The following MPRIP variants were observed in gnomAD, a reference collection of about 807,000 sequenced individuals.
MPRIP encodes myosin phosphatase Rho interacting protein, also known as myosin phosphatase Rho-interacting protein.
Under a neutral mutation model 234.9 loss-of-function variants are expected in MPRIP, and 59 were observed. The observed-to-expected ratio is 0.25, with a 90% CI of 0.20 to 0.31. MPRIP has a LOEUF of 0.31. Among genes scored for constraint, MPRIP ranks in the 10% least tolerant of loss-of-function variants. The probability of loss-of-function intolerance (pLI) is 1.00; values close to 1 mark genes in which losing one functional copy is unlikely to be tolerated. For synonymous variants in MPRIP, 1,144 were observed against 1,263.9 expected, an observed-to-expected ratio of 0.91 and a Z score of 2.01; for missense variants, 2,436 against 3,071.0, an observed-to-expected ratio of 0.79 and a Z score of 4.89.
chr17:17,156,903 C>T (rs2045742833), intron 13 of MPRIP, among the ~76,000 whole-genome samples: 1 of 152,232 alleles, frequency 6.6e-6, no homozygotes, highest in Non-Finnish European at 1.5e-5. Context: ...GTGACCCTTG[C>T]TCCAGGTGGT....
chr17:17,054,412 C>T (rs181561010), intron 1 of MPRIP, among the ~76,000 whole-genome samples: 12 of 152,292 alleles, frequency 7.9e-5, no homozygotes, highest in African/African-American at 1.2e-4. Context: ...TTCATTCATG[C>T]GTTTTCCAGC....
chr17:17,111,476 A>G (rs1243863433), intron 3 of MPRIP, among the ~76,000 whole-genome samples: 3 of 152,148 alleles, frequency 2.0e-5, no homozygotes, highest in South Asian at 2.1e-4. Flanking sequence ...GCTTTTTCCC[A>G]TCTCCCCTGC....
chr17:17,097,734 G>C (rs998804949), intron 3 of MPRIP, among the ~76,000 whole-genome samples: 10 of 152,172 alleles, frequency 6.6e-5, no homozygotes, highest in African/African-American at 2.4e-4. Context: ...AGTTACCTCT[G>C]TCCAGAACTG....
chr17:17,074,523 A>G (rs2089280014), intron 1 of MPRIP, among the ~76,000 whole-genome samples: 1 of 152,240 alleles, frequency 6.6e-6, no homozygotes, highest in African/African-American at 2.4e-5. Flanking sequence ...CTCTTAAAGT[A>G]TACAGTTTGG....
intron 1 of MPRIP, among the ~76,000 whole-genome samples, chr17:17,044,787 A>C (rs1343109146): frequency 6.6e-6 from 1 of 152,182 alleles, no homozygotes; most frequent in Non-Finnish European, 1.5e-5. Context: ...GGGGAGAGGC[A>C]AACTTAAAAT....
chr17:17,066,721 A>ATTTTTTTTTTTTTT (rs1567692140), intron 1 of MPRIP, among the ~76,000 whole-genome samples: 1 of 39,440 alleles, frequency 2.5e-5, no homozygotes, highest in Admixed American at 3.5e-4. Flanking sequence ...TACTTTTTTC[A>ATTTTTTTTTTTTTT]TCTTTTTTTT....
At chr17:17,085,514 C>CT (rs2089568795) in intron 3 of MPRIP, among the ~76,000 whole-genome samples, 4 of 152,200 alleles carry the variant, frequency 2.6e-5, no homozygotes, top group Admixed American at 1.3e-4. Context: ...AGTCTTAATA[C>CT]AAGTTTTAAA....
intron 3 of MPRIP, among the ~76,000 whole-genome samples, chr17:17,097,843 A>G (rs1003490366): frequency 3.3e-5 from 5 of 152,150 alleles, no homozygotes; most frequent in African/African-American, 1.2e-4. Context: ...TGACTTTTCC[A>G]GAGGCTATTG....
At chr17:17,050,004 C>T (rs2088482976) in intron 1 of MPRIP, among the ~76,000 whole-genome samples, 1 of 151,116 alleles carries the variant, frequency 6.6e-6, no homozygotes, top group Non-Finnish European at 1.5e-5. Context: ...CTGGCTAACA[C>T]AGTGAAACCC....
At chr17:17,056,482 CTG>C (rs1682917735) in intron 1 of MPRIP, among the ~76,000 whole-genome samples, 1 of 152,084 alleles carries the variant, frequency 6.6e-6, no homozygotes, top group Non-Finnish European at 1.5e-5. Context: ...CTTGCAGGAC[CTG>C]TGTGTGGGCA....
In MPRIP at chr17:17,164,460, C is replaced by CAGA; in HGVS notation, c.2872_2874dup (p.Lys958dup). The CAGA allele has an allele frequency of 8.1e-7, 1 of 1,239,360 alleles. No homozygotes were observed. The highest frequency in any genetic ancestry group is 2.7e-5 in the Admixed American group (1 of 37,464). 76.8% of individuals were successfully genotyped at this position (1,239,360 alleles called of 1,614,324 possible). On this transcript the variant is annotated inframe_insertion, in exon 16 of 24. Transcript: ENST00000651222. ...GAGCAGCCAGCTGAGGGCTAGCGAG[C>CAGA]AGAAGCTCAAGAGTGCTGAGGCCCT...
intron 17 of MPRIP, 148 bp from the exon 18 acceptor site, chr17:17,172,550 A>G (rs1352087078): frequency 3.3e-6 from 2 of 614,476 alleles, no homozygotes; most frequent in East Asian, 5.7e-5. Flanking sequence ...ATGAGGGGCC[A>G]GCCTGTCATG....
chr17:17,080,952 TTG>T (rs34111584), intron 3 of MPRIP, among the ~76,000 whole-genome samples: 1 of 151,660 alleles, frequency 6.6e-6, no homozygotes, highest in East Asian at 1.9e-4. Context: ...GCAGAACTGC[TTG>T]TGTGTGTGTG....
At chr17:17,149,650 T>A (rs2045553809) in intron 11 of MPRIP, 1 of 150,214 alleles carries the variant, frequency 6.7e-6, no homozygotes, top group African/African-American at 2.4e-5. Context: ...AAAATGAATT[T>A]ATTTTATTCT....
In MPRIP at chr17:17,167,331, G is replaced by T; in HGVS notation, c.5740G>T (p.Ala1914Ser). Residue 1914 changes from alanine to serine, a missense_variant, in exon 16 of 24, where the codon GCA becomes TCA. Ala to Ser is a moderately conservative substitution (Grantham distance 99). This residue lies in a region of MPRIP where 1,998 missense variants were observed against 2,520.3 expected (regional missense o/e 0.79). Coordinates refer to ENST00000651222, the MANE Select transcript of MPRIP (RefSeq NM_001364716.4). This position sits in a 1 kb window ranked among gnomAD's most constrained non-coding sequence, Gnocchi z 5.9. The part of the protein sequence containing the change: ...DVIAIVEREN[A>S]ELKAKAAQLD... ...GATCGCCATTGTTGAAAGGGAGAAT[G>T]CAGAGCTCAAGGCCAAGGCCGCCCA... The T allele has an allele frequency of 7.7e-7, 1 of 1,304,136 alleles. No individual in the cohort carries two copies. Among genetic ancestry groups the T allele is most frequent in the South Asian group, 1.2e-5 (1 of 81,018 alleles). 80.8% of individuals were successfully genotyped at this position (1,304,136 alleles called of 1,614,324 possible).
intron 15 of MPRIP, among the ~76,000 whole-genome samples, chr17:17,161,735 A>T (rs572199761): frequency 6.6e-6 from 1 of 152,222 alleles, no homozygotes. Context: ...CCTATTGTAC[A>T]GATTGAAGAC....
intron 1 of MPRIP, among the ~76,000 whole-genome samples, chr17:17,067,978 G>T (rs1379439332): frequency 6.6e-6 from 1 of 151,326 alleles, no homozygotes; most frequent in Non-Finnish European, 1.5e-5. Context: ...AGAGAAGTGG[G>T]TCCATTTCCT....
chr17:17,169,133 T>A (rs2046074916), intron 16 of MPRIP: 1 of 396,130 alleles, frequency 2.5e-6, no homozygotes, highest in African/African-American at 2.1e-5. Flanking sequence ...TTATGAGTTG[T>A]GAGAAGGTTT....
chr17:17,158,709 C>T lies in MPRIP; in HGVS notation c.2107C>T (p.Arg703Cys), dbSNP rs1434126511. The change falls in exon 14 of 24, where the codon CGT (arginine) becomes TGT (cysteine). Residue 703 changes from arginine (R) to cysteine (C), a missense_variant. By Grantham distance (180) the Arg-to-Cys change is radical. Transcript: ENST00000651222. ...GGAGCCTGGGGAGCTGGAGCGGGAGCGTGCACGGAGGCGGGAGGAGCGCCG... is the reference window on the plus strand; with the variant it reads ...GGAGCCTGGGGAGCTGGAGCGGGAGTGTGCACGGAGGCGGGAGGAGCGCCG... ...EAEPGELERERARRREERRKR... is the reference protein window; with the variant it reads ...EAEPGELERECARRREERRKR... 10 of 1,609,784 alleles carry T rather than the reference C, an allele frequency of 6.2e-6. No homozygotes were observed. Among genetic ancestry groups the T allele is most frequent in the South Asian group, 4.4e-5 (4 of 90,948 alleles).
Sources: allele counts gnomAD v4.1 joint callset (sites outside exome capture counted in the v4.1 genomes callset), GRCh38; gene constraint gnomAD v4.1.1; regional missense constraint gnomAD v4.1.1; non-coding constraint Gnocchi (gnomAD v3.1); transcripts MANE v1.5; gene names NCBI Gene and HGNC (gene_info 2026-07-23, HGNC 2026-07-21).